Variants in NFATC2 observed in about 807,000 individuals in gnomAD.
The protein encoded by NFATC2 is nuclear factor of activated T-cells, cytoplasmic 2.
A neutral mutation model predicts 87.3 loss-of-function variants in NFATC2; 22 were observed. That is an observed-to-expected ratio of 0.25 (90% CI 0.18 to 0.36). The LOEUF (loss-of-function observed/expected upper bound fraction) is 0.36, where lower values mean the gene tolerates loss of function less well. NFATC2 is among the 10% of genes least tolerant of loss of function. NFATC2 has a pLI of 1.00. For missense variants in NFATC2, 1,149 were observed against 1,259.1 expected (o/e 0.91, Z 1.32); for synonymous variants, 565 against 542.2 (o/e 1.04, Z -0.58).
chr20:51,435,637 G>A (rs1983447646), intron 7 of NFATC2, 69 bp downstream of exon 7: 1 of 1,506,666 alleles, frequency 6.6e-7, no homozygotes, highest in Admixed American at 1.9e-5. Flanking sequence ...AGGAGGGAAA[G>A]AAGGAAAGAG....
Position 51,454,569 on chromosome 20 carries a change from C to G in NFATC2, c.1828G>C (p.Val610Leu), listed in dbSNP as rs769786407. 5.0e-6 allele frequency: 8 copies of G among 1,613,962 alleles called. No homozygotes were observed. The highest frequency in any genetic ancestry group is 6.8e-6 in the Non-Finnish European group (8 of 1,180,014). Residue 610 changes from valine to leucine, a missense_variant, in exon 6 of 11, where the codon GTG (valine) becomes CTG (leucine). This residue lies in a region of NFATC2 where 581 missense variants were observed against 649.7 expected (regional missense o/e 0.89). Transcript: ENST00000371564. ...GQNFTSESKV[V>L]FTEKTTDGQQ... ...TGACCTGTGGTCTTCTCAGTAAACACAACTTTGGACTCGGATGTAAAGTTC... is the reference window on the plus strand; with the variant it reads ...TGACCTGTGGTCTTCTCAGTAAACAGAACTTTGGACTCGGATGTAAAGTTC...
At chr20:51,415,502 C>T (rs1024562987) in intron 9 of NFATC2, among the ~76,000 whole-genome samples, 4 of 152,120 alleles carry the variant, frequency 2.6e-5, no homozygotes, top group Non-Finnish European at 5.9e-5. Context: ...CTCTGGGGAT[C>T]CAGGAAAACC....
chr20:51,538,904 G>T (rs917384501), intron 1 of NFATC2, among the ~76,000 whole-genome samples: 1 of 152,146 alleles, frequency 6.6e-6, no homozygotes, highest in Non-Finnish European at 1.5e-5. Flanking sequence ...TTCCAGCCCT[G>T]CCATGGTCCC....
intron 6 of NFATC2, among the ~76,000 whole-genome samples, chr20:51,451,159 G>A (rs989274646): frequency 6.6e-6 from 1 of 152,216 alleles, no homozygotes; most frequent in African/African-American, 2.4e-5. Flanking sequence ...AGCAGGCAGA[G>A]GCCAGGCCTT....
At chr20:51,450,260 C>T (rs905266149) in intron 6 of NFATC2, among the ~76,000 whole-genome samples, 9 of 152,158 alleles carry the variant, frequency 5.9e-5, no homozygotes, top group East Asian at 1.9e-4. Context: ...TGCTGGTGAC[C>T]GCTGTGGGTT....
rs566711778 is a variant in NFATC2 at position 51,462,565 on chromosome 20, G to A, written c.1709-7877C>T. Among the ~76,000 whole-genome samples, 8 of 152,082 alleles carry A rather than the reference G, an allele frequency of 5.3e-5. No homozygotes were observed. The South Asian group carries it at 1.5e-3, about 28-fold the overall frequency. On this transcript the variant is annotated intron_variant, in intron 5 of 10. Coordinates refer to ENST00000371564, the MANE Select transcript of NFATC2 (RefSeq NM_012340.5). The stretch of plus-strand genomic sequence containing the variant: ...CGCCCACACCAAGAAGCAATTTAGG[G>A]TTCACACGTAAAAGTAACATTCTAA...
intron 1 of NFATC2, among the ~76,000 whole-genome samples, chr20:51,557,950 A>G (rs1332810043): frequency 6.6e-6 from 1 of 152,220 alleles, no homozygotes; most frequent in Non-Finnish European, 1.5e-5. Flanking sequence ...CCAGGATGCA[A>G]GCAGCACAGG....
rs1455154109 is a variant in NFATC2 at position 51,389,663 on chromosome 20, G to A, written c.*1833C>T. 1.3e-5 allele frequency: 2 copies of A among 152,120 alleles called. No homozygotes were observed. Among genetic ancestry groups the A allele is most frequent in the African/African-American group, 2.4e-5 (1 of 41,398 alleles). 9.4% of individuals were successfully genotyped at this position (152,120 alleles called of 1,614,324 possible). On this transcript the variant is annotated 3_prime_UTR_variant, in exon 11 of 11. Transcript: ENST00000371564. ...ATTGTCAGGGAAAAATAAATGCTAGGTATCGACCGACAGGTTGCATACAAG... is the reference window on the plus strand; with the variant it reads ...ATTGTCAGGGAAAAATAAATGCTAGATATCGACCGACAGGTTGCATACAAG...
intron 1 of NFATC2, among the ~76,000 whole-genome samples, chr20:51,550,516 G>A (rs1418313176): frequency 6.6e-6 from 1 of 152,018 alleles, no homozygotes; most frequent in African/African-American, 2.4e-5. Flanking sequence ...GCTTGAACCT[G>A]GGAGGTGGAG....
intron 1 of NFATC2, among the ~76,000 whole-genome samples, chr20:51,538,345 G>A (rs1231727632): frequency 2.0e-5 from 3 of 151,868 alleles, no homozygotes; most frequent in Admixed American, 2.0e-4. Context: ...TGCTAAAAAA[G>A]CCTTTGATAT....
chr20:51,415,318 TTG>T (rs1568945285), intron 9 of NFATC2, among the ~76,000 whole-genome samples: 1 of 152,112 alleles, frequency 6.6e-6, no homozygotes, highest in Non-Finnish European at 1.5e-5. Flanking sequence ...CAGTATTTCC[TTG>T]TGTGTCTGCA....
intron 6 of NFATC2, among the ~76,000 whole-genome samples, chr20:51,451,008 C>G: frequency 6.6e-6 from 1 of 152,230 alleles, no homozygotes; most frequent in East Asian, 1.9e-4. Context: ...CTGGCTGACT[C>G]CTAACTCCGT....
rs369140336 is a variant in NFATC2 at position 51,432,803 on chromosome 20, C to T, written c.2033-47G>A. ...TAGGGGCGCCCATGGCAGTGAGCCA[C>T]GGATGTGCACGGAGGATTCGTGGAT... On this transcript the variant is annotated intron_variant, in intron 8 of 10. Coordinates refer to ENST00000371564, the MANE Select transcript of NFATC2 (RefSeq NM_012340.5). The surrounding 1 kb of genome is among the most constrained non-coding windows in gnomAD (Gnocchi z 4.6). The T allele has an allele frequency of 2.6e-5, 38 of 1,470,840 alleles. No individual in the cohort carries two copies. Among genetic ancestry groups the T allele is most frequent in the East Asian group, 4.7e-5 (2 of 42,410 alleles). 91.1% of individuals were successfully genotyped at this position (1,470,840 alleles called of 1,614,324 possible). A position where few individuals can be genotyped will look rare whatever the true frequency, so the allele number is the denominator to read the frequency against.
In NFATC2 at chr20:51,463,251, T is replaced by C. The variant is rs527516006; in HGVS notation, c.1709-8563A>G. 2.1e-3 allele frequency among the ~76,000 whole-genome samples: 319 copies of C among 152,166 alleles called. 1 individual carries two copies. The highest frequency in any genetic ancestry group is 7.1e-3 in the African/African-American group (295 of 41,528). On this transcript the variant is annotated intron_variant, in intron 5 of 10. Coordinates refer to ENST00000371564, the MANE Select transcript of NFATC2 (RefSeq NM_012340.5). ...GGGAGAGTGGAGGGGAACCAAAATCTCCCCTAGTGTGGGGCTCACCTCTTT... is the reference window on the plus strand; with the variant it reads ...GGGAGAGTGGAGGGGAACCAAAATCCCCCCTAGTGTGGGGCTCACCTCTTT...
chr20:51,527,391 G>C (rs868024362), intron 1 of NFATC2, among the ~76,000 whole-genome samples: 1 of 152,084 alleles, frequency 6.6e-6, no homozygotes, highest in Non-Finnish European at 1.5e-5. Context: ...CACTTGACTA[G>C]CTCAGGCCCC....
chr20:51,468,014 G>C (rs1466288429), intron 5 of NFATC2, among the ~76,000 whole-genome samples: 1 of 152,216 alleles, frequency 6.6e-6, no homozygotes, highest in Non-Finnish European at 1.5e-5. Context: ...CACCATAGCA[G>C]TGACAGATCT....
chr20:51,531,393 CTCCTT>C (rs1401832412), intron 1 of NFATC2, among the ~76,000 whole-genome samples: 2 of 152,252 alleles, frequency 1.3e-5, no homozygotes, highest in African/African-American at 4.8e-5. Context: ...CTTATCACCC[CTCCTT>C]TCATCAAGTT....
At chr20:51,492,292 C>T (rs6021245) in intron 3 of NFATC2, among the ~76,000 whole-genome samples, 7,483 of 151,794 alleles carry the variant, frequency 0.049, 618 homozygotes, top group African/African-American at 0.17. Context: ...CACCCCGCCG[C>T]TATTCTCAGG....
intron 5 of NFATC2, among the ~76,000 whole-genome samples, chr20:51,468,403 C>T (rs1987891300): frequency 1.3e-5 from 2 of 152,144 alleles, no homozygotes; most frequent in Non-Finnish European, 2.9e-5. Context: ...CACCCCATAC[C>T]CACTCCCAAG....
Sources: gnomAD v4.1 joint callset for allele counts (sites outside exome capture counted in the v4.1 genomes callset) on GRCh38, gnomAD v4.1.1 for gene constraint, gnomAD v4.1.1 regional missense constraint, Gnocchi (gnomAD v3.1) non-coding constraint, MANE v1.5 for transcripts, NCBI Gene and HGNC (gene_info 2026-07-23, HGNC 2026-07-21) for gene names.